The following PCDH15 variants were observed in gnomAD, a reference collection of about 807,000 sequenced individuals.
PCDH15 encodes the protein protocadherin related 15.
In PCDH15, 129 loss-of-function variants were observed where a neutral mutation model predicts 178.5. That is an observed-to-expected ratio of 0.72 (90% CI 0.63 to 0.84). The LOEUF is 0.84. Ranked by LOEUF, PCDH15 falls within the 40% of genes least tolerant of loss-of-function variation. The pLI is 0.00. For synonymous variants in PCDH15, 800 were observed against 732.0 expected (o/e 1.09, Z -1.50); for missense variants, 2,230 against 2,099.9 (o/e 1.06, Z -1.21).
chr10:54,494,278 C>T (rs1411145498), intron 3 of PCDH15, among the ~76,000 whole-genome samples: 3 of 151,954 alleles, frequency 2.0e-5, no homozygotes, highest in Non-Finnish European at 2.9e-5. Context: ...TTTTGTATTC[C>T]AGAGAATGGC....
chr10:54,484,268 G>A (rs745898170), intron 3 of PCDH15, among the ~76,000 whole-genome samples: 5 of 151,856 alleles, frequency 3.3e-5, no homozygotes, highest in Non-Finnish European at 5.9e-5. Flanking sequence ...GACATCCTGT[G>A]TGAAGTTCTG....
At chr10:53,848,525 C>A (rs1442096236) in intron 28 of PCDH15, among the ~76,000 whole-genome samples, 1 of 151,910 alleles carries the variant, frequency 6.6e-6, no homozygotes, top group East Asian at 1.9e-4. Flanking sequence ...CTTTGCTTTT[C>A]TTCCTAATTT....
chr10:55,442,933 A>C (rs183382178), intron 2 of PCDH15, among the ~76,000 whole-genome samples: 830 of 152,214 alleles, frequency 5.5e-3, no homozygotes, highest in Non-Finnish European at 7.2e-3. Context: ...CAAGAGGAAA[A>C]AGATATAGAT....
At chr10:55,582,604 A>ATATATATATATATGTG (rs1433034350) in intron 2 of PCDH15, among the ~76,000 whole-genome samples, 4 of 85,034 alleles carry the variant, frequency 4.7e-5, no homozygotes, top group African/African-American at 2.1e-4. Flanking sequence ...GTGTATATAT[A>ATATATATATATATGTG]TATATATATA....
intron 2 of PCDH15, among the ~76,000 whole-genome samples, chr10:55,622,032 A>G (rs566235862): frequency 7.0e-6 from 1 of 141,882 alleles, no homozygotes; most frequent in African/African-American, 2.6e-5. Flanking sequence ...TTATATATGT[A>G]TATATAATAT....
intron 20 of PCDH15, among the ~76,000 whole-genome samples, chr10:54,017,285 A>T (rs1021826626): frequency 6.6e-6 from 1 of 152,036 alleles, no homozygotes; most frequent in African/African-American, 2.4e-5. Flanking sequence ...TTGGTCTCCC[A>T]AAGTGTAGGG....
At chr10:53,875,154 T>C (rs1398066575) in intron 26 of PCDH15, among the ~76,000 whole-genome samples, 1 of 151,956 alleles carries the variant, frequency 6.6e-6, no homozygotes, top group Non-Finnish European at 1.5e-5. Context: ...CCAGAACTGA[T>C]AAAAGATTGT....
Position 55,210,529 on chromosome 10 carries a change from T to C in PCDH15, c.-155-43878A>G, listed in dbSNP as rs148349910. Among the ~76,000 whole-genome samples the C allele has an allele frequency of 2.8e-3, 422 of 148,542 alleles. 2 individuals carry two copies. The highest frequency in any genetic ancestry group is 1.0e-2 in the African/African-American group (402 of 40,256). ...CATGATATCAGAACTAATGGGGAAA[T>C]GGTGTAGTTGAAGCATGGAGGAATT... On this transcript the variant is annotated intron_variant, in intron 1 of 5. Transcript: ENST00000458638.
intron 8 of PCDH15, among the ~76,000 whole-genome samples, chr10:54,296,429 C>G (rs556252307): frequency 6.6e-6 from 1 of 152,052 alleles, no homozygotes; most frequent in African/African-American, 2.4e-5. Context: ...TCGCCCATCT[C>G]TCCTATCTAT....
At chr10:54,193,870 G>T (rs191943048) in intron 11 of PCDH15, among the ~76,000 whole-genome samples, 2 of 152,138 alleles carry the variant, frequency 1.3e-5, no homozygotes, top group East Asian at 1.9e-4. Flanking sequence ...TCATGGTAAG[G>T]CATTTAAACT....
intron 2 of PCDH15, among the ~76,000 whole-genome samples, chr10:55,367,513 C>T (rs1451738257): frequency 6.6e-6 from 1 of 151,872 alleles, no homozygotes; most frequent in African/African-American, 2.4e-5. Context: ...CTCAGAAAGT[C>T]AAGACTGAAG....
intron 2 of PCDH15, among the ~76,000 whole-genome samples, chr10:55,449,605 T>C (rs183658366): frequency 6.6e-6 from 1 of 152,252 alleles, no homozygotes; most frequent in Admixed American, 6.5e-5. Flanking sequence ...AATACTTTAG[T>C]TAAAACGTCC....
intron 18 of PCDH15, among the ~76,000 whole-genome samples, chr10:54,030,960 C>G (rs1002417495): frequency 6.6e-6 from 1 of 151,926 alleles, no homozygotes. Context: ...GCTAAAGGAG[C>G]AGGCTTCATT....
At chr10:55,321,128 G>A (rs979492369), upstream of PCDH15, among the ~76,000 whole-genome samples, 1 of 148,882 alleles carries the variant, frequency 6.7e-6, no homozygotes, top group Non-Finnish European at 1.5e-5. Flanking sequence ...AAAGAGAAAG[G>A]AAAAGAAAAG....
intron 3 of PCDH15, among the ~76,000 whole-genome samples, chr10:54,416,360 G>A (rs969476201): frequency 2.6e-5 from 4 of 151,980 alleles, no homozygotes; most frequent in African/African-American, 9.7e-5. Context: ...CCACTTATGA[G>A]TGAGAACATG....
chr10:54,376,504 C>A (rs2134949998), intron 4 of PCDH15, among the ~76,000 whole-genome samples: 1 of 150,858 alleles, frequency 6.6e-6, no homozygotes, highest in South Asian at 2.1e-4. Flanking sequence ...TTTTCAAATA[C>A]AATCTATATA....
At chr10:54,470,062 C>G (rs1372732602) in intron 3 of PCDH15, among the ~76,000 whole-genome samples, 1 of 152,060 alleles carries the variant, frequency 6.6e-6, no homozygotes, top group Non-Finnish European at 1.5e-5. Context: ...CTTCCCTCAG[C>G]CCCCCGGTAG....
Position 55,235,008 on chromosome 10 carries a change from T to G in PCDH15, c.-155-68357A>C, listed in dbSNP as rs531948294. Among the ~76,000 whole-genome samples the G allele has an allele frequency of 1.6e-3, 242 of 152,154 alleles. 6 individuals are homozygous for G. The highest frequency in any genetic ancestry group is 2.9e-4 in the Non-Finnish European group (20 of 68,012). On this transcript the variant is annotated intron_variant, in intron 1 of 5. Transcript: ENST00000458638. The stretch of plus-strand genomic sequence containing the variant: ...AAAATCCATAATGAAAACCCTGCCA[T>G]GTACAGCCACAAAGTCTAGGTTTGA...
chr10:55,394,167 A>G (rs1368491851), intron 2 of PCDH15, among the ~76,000 whole-genome samples: 1 of 151,848 alleles, frequency 6.6e-6, no homozygotes, highest in East Asian at 1.9e-4. Flanking sequence ...TCTACTATAT[A>G]GCCATGTTGA....
Sources: gnomAD v4.1 joint callset for allele counts (sites outside exome capture counted in the v4.1 genomes callset) on GRCh38, gnomAD v4.1.1 for gene constraint, MANE v1.5 for transcripts, NCBI Gene and HGNC (gene_info 2026-07-23, HGNC 2026-07-21) for gene names.